The following PLD3 variants were observed in gnomAD, a reference collection of about 807,000 sequenced individuals.
The protein encoded by PLD3 is 5'-3' exonuclease PLD3.
A neutral mutation model predicts 58.4 loss-of-function variants in PLD3; 31 were observed. That is an observed-to-expected ratio of 0.53 (90% CI 0.40 to 0.72). PLD3 has a LOEUF of 0.72. Ranked by LOEUF, PLD3 falls within the 30% of genes least tolerant of loss-of-function variation. The probability of loss-of-function intolerance (pLI) is 0.00; values close to 1 mark genes in which losing one functional copy is unlikely to be tolerated. For missense variants in PLD3, 595 were observed against 659.8 expected (o/e 0.90, Z 1.08); for synonymous variants, 264 against 273.4 (o/e 0.97, Z 0.34).
At chr19:40,376,980 C>T (rs1262912229) in intron 11 of PLD3, among the ~76,000 whole-genome samples, 3 of 135,114 alleles carry the variant, frequency 2.2e-5, no homozygotes, top group Non-Finnish European at 3.2e-5. Context: ...GGGTTGGGAC[C>T]GGGATGGGGG....
At chr19:40,364,293 G>GCA in intron 1 of PLD3, among the ~76,000 whole-genome samples, 1 of 152,034 alleles carries the variant, frequency 6.6e-6, no homozygotes. Context: ...GGCGGAGGTT[G>GCA]CAGTGAACCA....
At chr19:40,360,078 C>A (rs940501342) in intron 1 of PLD3, 26 of 152,326 alleles carry the variant, frequency 1.7e-4, no homozygotes, top group Admixed American at 5.2e-4. Context: ...AACTCCTGGT[C>A]TTTTCCCCAA....
chr19:40,355,956 T>C (rs11666860), intron 1 of PLD3: 16,948 of 152,214 alleles, frequency 0.11, 1,368 homozygotes, highest in African/African-American at 0.23. Flanking sequence ...CCATTCATGA[T>C]GCTTTCTTGG....
At chr19:40,351,054 A>C (rs140273867) in intron 1 of PLD3, among the ~76,000 whole-genome samples, 8 of 152,008 alleles carry the variant, frequency 5.3e-5, no homozygotes, top group African/African-American at 1.9e-4. Context: ...CCTGGGCAAC[A>C]TAGCGAAACC....
chr19:40,374,766 A>C (rs2079152701), intron 10 of PLD3, 146 bp downstream of exon 10: 2 of 824,214 alleles, frequency 2.4e-6, no homozygotes, highest in African/African-American at 3.4e-5. Context: ...CCAGGAGGTG[A>C]CCGGAAGAAG....
chr19:40,363,926 AAG>A (rs2078849945), intron 1 of PLD3, among the ~76,000 whole-genome samples: 1 of 152,206 alleles, frequency 6.6e-6, no homozygotes, highest in Non-Finnish European at 1.5e-5. Flanking sequence ...TTTTTCAAAA[AAG>A]AGTAATGCGC....
At chr19:40,361,830 T>C (rs999013362) in intron 1 of PLD3, among the ~76,000 whole-genome samples, 1 of 151,012 alleles carries the variant, frequency 6.6e-6, no homozygotes, top group Non-Finnish European at 1.5e-5. Flanking sequence ...TTTATTATCT[T>C]GTTTATTATC....
Position 40,369,964 on chromosome 19 carries a change from C to A in PLD3, c.486C>A (p.Arg162=). 6.4e-7 allele frequency: 1 copy of A among 1,561,930 alleles called. No individual in the cohort carries two copies. The highest frequency in any genetic ancestry group is 2.4e-5 in the East Asian group (1 of 41,828). The change falls in exon 7 of 13, where the codon CGC becomes CGA. Residue 162 remains arginine, a synonymous_variant. Coordinates refer to ENST00000409735, the MANE Select transcript of PLD3 (RefSeq NM_012268.4). ...QTLAPKGVNV[R]IAVSKPSGPQ... is the part of the protein sequence containing the mutation. ...TGGCACCAAAGGGCGTGAACGTCCGCATCGCTGTGAGCAAGCCCAGCGGGC... is the reference window on the plus strand; with the variant it reads ...TGGCACCAAAGGGCGTGAACGTCCGAATCGCTGTGAGCAAGCCCAGCGGGC...
chr19:40,364,076 C>G (rs1398470029), intron 1 of PLD3, among the ~76,000 whole-genome samples: 1 of 152,188 alleles, frequency 6.6e-6, no homozygotes, highest in Non-Finnish European at 1.5e-5. Flanking sequence ...AGAAAATAGG[C>G]TGGGCACAGT....
chr19:40,366,153 A>C, intron 2 of PLD3: 1 of 429,094 alleles, frequency 2.3e-6, no homozygotes, highest in Non-Finnish European at 4.2e-6. Context: ...TGGAGGAGGG[A>C]GAAGGGGGCT....
intron 11 of PLD3, 72 bp downstream of exon 11, chr19:40,376,846 C>G (rs1026713544): frequency 1.4e-6 from 2 of 1,414,034 alleles, no homozygotes; most frequent in Non-Finnish European, 1.9e-6. Flanking sequence ...TCATGGGACT[C>G]GTCTGTCAAT....
intron 10 of PLD3, 95 bp downstream of exon 10, chr19:40,374,715 A>T (rs1276084155): frequency 1.5e-6 from 2 of 1,374,298 alleles, no homozygotes; most frequent in Non-Finnish European, 2.0e-6. Context: ...GGCTCCAGGC[A>T]AGGGGACAGA....
chr19:40,350,260 C>CAAAAA (rs763559067), intron 1 of PLD3, among the ~76,000 whole-genome samples: 2 of 68,086 alleles, frequency 2.9e-5, no homozygotes, highest in Middle Eastern at 9.6e-3. Context: ...GACTCCGTCT[C>CAAAAA]AAAAAAAAAA....
At chr19:40,353,592 T>C (rs78038399) in intron 1 of PLD3, among the ~76,000 whole-genome samples, 1 of 152,108 alleles carries the variant, frequency 6.6e-6, no homozygotes, top group Admixed American at 6.6e-5. Context: ...CTTTTTTTTT[T>C]ATTTGAGATG....
chr19:40,371,749 G>C lies in PLD3; in HGVS notation c.755G>C (p.Trp252Ser). The C allele has an allele frequency of 1.9e-6, 3 of 1,613,936 alleles. No individual in the cohort carries two copies. The highest frequency in any genetic ancestry group is 1.1e-5 in the South Asian group (1 of 91,084). ...CTGACCAAGATCTTTGAGGCCTACT[G>C]GTTCCTGGGCCAGGCAGGCAGCTCC... ...RDLTKIFEAY[W>S]FLGQAGSSIP... The change falls in exon 9 of 13, where the codon TGG (tryptophan) becomes TCG (serine). Residue 252 changes from tryptophan to serine, a missense_variant. Physicochemically the swap from Trp to Ser is radical, Grantham distance 177. Transcript: ENST00000409735.
Position 40,367,839 on chromosome 19 carries a change from C to T in PLD3, c.389C>T (p.Thr130Ile). ...ATCGCCTCCTTCTACTGGACCCTCA[C>T]CAACAATGACACCCACACGCAGGAG... ...LDIASFYWTL[T>I]NNDTHTQEPS... is the part of the protein sequence containing the mutation. Residue 130 changes from threonine to isoleucine, a missense_variant, in exon 6 of 13, where the codon ACC (threonine) becomes ATC (isoleucine). Thr to Ile is a moderately conservative substitution (Grantham distance 89). Coordinates refer to ENST00000409735, the MANE Select transcript of PLD3 (RefSeq NM_012268.4). 6.3e-7 allele frequency: 1 copy of T among 1,580,890 alleles called. No homozygotes were observed. Among genetic ancestry groups the T allele is most frequent in the African/African-American group, 1.3e-5 (1 of 74,178 alleles).
intron 1 of PLD3, among the ~76,000 whole-genome samples, chr19:40,363,133 C>T (rs1340817971): frequency 6.6e-6 from 1 of 152,160 alleles, no homozygotes; most frequent in African/African-American, 2.4e-5. Context: ...AGCCCTGTTA[C>T]TTCAGATCTC....
chr19:40,359,788 A>C (rs557948736), intron 1 of PLD3: 5 of 152,316 alleles, frequency 3.3e-5, no homozygotes, highest in African/African-American at 9.6e-5. Context: ...GAGACTTGAC[A>C]GTCACCTTTG....
intron 1 of PLD3, among the ~76,000 whole-genome samples, chr19:40,350,645 G>A (rs1218781047): frequency 6.6e-6 from 1 of 151,840 alleles, no homozygotes; most frequent in Non-Finnish European, 1.5e-5. Context: ...TCGGGAGGCT[G>A]AGGTGAGAGG....
Sources: allele counts gnomAD v4.1 joint callset (sites outside exome capture counted in the v4.1 genomes callset), GRCh38; gene constraint gnomAD v4.1.1; transcripts MANE v1.5; gene names NCBI Gene and HGNC (gene_info 2026-07-23, HGNC 2026-07-21).